Variants in SDCCAG8 observed in about 807,000 individuals in gnomAD.
The protein encoded by SDCCAG8 is serologically defined colon cancer antigen 8.
SDCCAG8 carries 74 observed loss-of-function variants against 101.8 expected under a neutral mutation model. The ratio of observed to expected loss-of-function variants is 0.73; its 90% confidence interval spans 0.60 to 0.88. The LOEUF is 0.88. SDCCAG8 is among the 40% of genes least tolerant of loss of function. The probability of loss-of-function intolerance (pLI) is 0.00; values close to 1 mark genes in which losing one functional copy is unlikely to be tolerated. For synonymous variants in SDCCAG8, 281 were observed against 292.9 expected (o/e 0.96, Z 0.41); for missense variants, 787 against 822.6 (o/e 0.96, Z 0.53).
chr1:243,279,703 A>C (rs1001829923), intron 4 of SDCCAG8, among the ~76,000 whole-genome samples: 9 of 152,352 alleles, frequency 5.9e-5, no homozygotes, highest in Middle Eastern at 6.8e-3. Context: ...GATGGATTAC[A>C]TTAACTGATC....
intron 12 of SDCCAG8, among the ~76,000 whole-genome samples, chr1:243,357,311 G>A (rs1403834666): frequency 2.0e-5 from 3 of 151,724 alleles, no homozygotes; most frequent in Non-Finnish European, 2.9e-5. Context: ...CCTGGGAGAC[G>A]GAGGTTGCAG....
intron 1 of SDCCAG8, among the ~76,000 whole-genome samples, chr1:243,265,721 G>A (rs2067527753): frequency 6.6e-6 from 1 of 151,484 alleles, no homozygotes. Context: ...GCTGAGGCAG[G>A]AAAAATGCTT....
At chr1:243,418,138 TA>T in intron 15 of SDCCAG8, 62 bp downstream of exon 15, 1 of 1,153,354 alleles carries the variant, frequency 8.7e-7, no homozygotes, top group Non-Finnish European at 1.3e-6. Flanking sequence ...AATTTTTCCT[TA>T]AAAAACATCA....
chr1:243,322,436 TAGG>T (rs745697348), intron 9 of SDCCAG8, among the ~76,000 whole-genome samples: 2 of 152,092 alleles, frequency 1.3e-5, no homozygotes, highest in African/African-American at 2.4e-5. Context: ...TAAAAACAAT[TAGG>T]AGGTTAAAGC....
At chr1:243,431,738 G>A (rs2081782414) in intron 16 of SDCCAG8, among the ~76,000 whole-genome samples, 1 of 151,986 alleles carries the variant, frequency 6.6e-6, no homozygotes, top group African/African-American at 2.4e-5. Flanking sequence ...ATCCCCCAGT[G>A]TATACAGAGT....
At chr1:243,419,072 G>A (rs115462012) in intron 15 of SDCCAG8, among the ~76,000 whole-genome samples, 2,423 of 152,104 alleles carry the variant, frequency 0.016, 32 homozygotes, top group Non-Finnish European at 0.022. Context: ...TTGGAATCCT[G>A]CATCAACAAG....
At chr1:243,364,183 A>G (rs1030853375) in intron 12 of SDCCAG8, among the ~76,000 whole-genome samples, 2 of 152,138 alleles carry the variant, frequency 1.3e-5, no homozygotes, top group Non-Finnish European at 2.9e-5. Flanking sequence ...TCCTCTTCAC[A>G]TAAGAACATG....
chr1:243,461,726 G>T (rs1659145444), intron 16 of SDCCAG8, among the ~76,000 whole-genome samples: 2 of 152,002 alleles, frequency 1.3e-5, no homozygotes, highest in Non-Finnish European at 2.9e-5. Flanking sequence ...GACTATTGGT[G>T]CGTCTAAATG....
intron 17 of SDCCAG8, among the ~76,000 whole-genome samples, chr1:243,496,730 T>A (rs1239345541): frequency 6.6e-6 from 1 of 152,240 alleles, no homozygotes; most frequent in African/African-American, 2.4e-5. Flanking sequence ...CCCCACAGTG[T>A]GGTTGCCTGG....
At chr1:243,292,103 C>T (rs2070326998) in intron 5 of SDCCAG8, among the ~76,000 whole-genome samples, 1 of 152,184 alleles carries the variant, frequency 6.6e-6, no homozygotes, top group South Asian at 2.1e-4. Context: ...TTTGGGTACA[C>T]CACCCTCTTG....
chr1:243,385,691 C>T (rs1007898338), intron 13 of SDCCAG8, among the ~76,000 whole-genome samples: 3 of 152,108 alleles, frequency 2.0e-5, no homozygotes, highest in Non-Finnish European at 2.9e-5. Flanking sequence ...CATCTTAGGC[C>T]GGGCACGGTG....
At chr1:243,269,465 C>G (rs1225468511) in intron 1 of SDCCAG8, among the ~76,000 whole-genome samples, 1 of 151,840 alleles carries the variant, frequency 6.6e-6, no homozygotes, top group African/African-American at 2.4e-5. Context: ...TTTGTGTGTT[C>G]TAGGGGTGGT....
intron 12 of SDCCAG8, among the ~76,000 whole-genome samples, chr1:243,369,950 C>A (rs535208234): frequency 1.3e-5 from 2 of 152,130 alleles, no homozygotes; most frequent in African/African-American, 4.8e-5. Flanking sequence ...CTCACAATTT[C>A]GGGTTGTCTT....
chr1:243,489,712 A>G (rs1002994268), intron 17 of SDCCAG8, among the ~76,000 whole-genome samples: 1 of 152,154 alleles, frequency 6.6e-6, no homozygotes, highest in African/African-American at 2.4e-5. Context: ...TGCTGACTTT[A>G]TTGTCTTCAT....
chr1:243,316,742 T>G lies in SDCCAG8; in HGVS notation c.930-13T>G. ...ATCATTTCTTGTTTTGAATGTTCTT[T>G]TTGTGCTGACAGAGAAAGAGATGAC... On this transcript the variant is annotated splice_polypyrimidine_tract_variant and intron_variant, in intron 8 of 17. Transcript: ENST00000366541. 6.2e-7 allele frequency: 1 copy of G among 1,614,160 alleles called. No individual in the cohort carries two copies. Among genetic ancestry groups the G allele is most frequent in the South Asian group, 1.1e-5 (1 of 91,080 alleles).
intron 17 of SDCCAG8, among the ~76,000 whole-genome samples, chr1:243,498,541 C>T (rs1048765632): frequency 1.3e-4 from 20 of 152,354 alleles, no homozygotes; most frequent in East Asian, 1.9e-4. Flanking sequence ...GCTGAGACCA[C>T]CCCACTACTC....
At chr1:243,283,332 A>G (rs573976905) in intron 4 of SDCCAG8, among the ~76,000 whole-genome samples, 1 of 149,920 alleles carries the variant, frequency 6.7e-6, no homozygotes, top group South Asian at 2.1e-4. Context: ...AATTCAGGAA[A>G]TTTTTCAGTC....
intron 10 of SDCCAG8, chr1:243,338,726 T>C (rs1290733459): frequency 6.6e-6 from 1 of 152,202 alleles, no homozygotes; most frequent in Non-Finnish European, 1.5e-5. Flanking sequence ...TCATACCAGG[T>C]TCAATACACT....
At chr1:243,262,945 C>T (rs2067301922) in intron 1 of SDCCAG8, among the ~76,000 whole-genome samples, 2 of 152,202 alleles carry the variant, frequency 1.3e-5, no homozygotes, top group Admixed American at 1.3e-4. Flanking sequence ...CAAAATAAAG[C>T]TAAATATGAA....
Sources: allele counts gnomAD v4.1 joint callset (sites outside exome capture counted in the v4.1 genomes callset), GRCh38; gene constraint gnomAD v4.1.1; transcripts MANE v1.5; gene names NCBI Gene and HGNC (gene_info 2026-07-23, HGNC 2026-07-21).